The following VTI1A variants were observed in gnomAD, a reference collection of about 807,000 sequenced individuals.
The protein encoded by VTI1A is vesicle transport through interaction with t-SNAREs homolog 1A.
VTI1A carries 22 observed loss-of-function variants against 34.9 expected under a neutral mutation model. The ratio of observed to expected loss-of-function variants is 0.63; its 90% CI spans 0.45 to 0.90. The LOEUF (loss-of-function observed/expected upper bound fraction) is 0.90. VTI1A is among the 40% of genes least tolerant of loss of function. The pLI, the probability that VTI1A is intolerant of heterozygous loss-of-function variation, is 0.00. For synonymous variants in VTI1A, 87 were observed against 97.3 expected (o/e 0.89, Z 0.62); for missense variants, 268 against 275.6 (o/e 0.97, Z 0.20).
intron 3 of VTI1A, among the ~76,000 whole-genome samples, chr10:112,502,673 A>G (rs141693909): frequency 6.6e-6 from 1 of 152,308 alleles, no homozygotes; most frequent in East Asian, 1.9e-4. Context: ...ACTCGTGCTT[A>G]TGACCAGAAG....
At chr10:112,575,891 G>A (rs981051816) in intron 5 of VTI1A, among the ~76,000 whole-genome samples, 3 of 152,082 alleles carry the variant, frequency 2.0e-5, no homozygotes, top group African/African-American at 7.2e-5. Context: ...TCTTGTTGAA[G>A]AGAATAGCTT....
chr10:112,586,847 G>A (rs1390007088), intron 5 of VTI1A, among the ~76,000 whole-genome samples: 1 of 152,092 alleles, frequency 6.6e-6, no homozygotes, highest in Non-Finnish European at 1.5e-5. Context: ...TTAGTTTTAG[G>A]GTAACCACTG....
chr10:112,687,551 A>C lies in VTI1A; in HGVS notation c.560+18553A>C, dbSNP rs1848461393. On this transcript the variant is annotated intron_variant, in intron 7 of 7. Coordinates refer to ENST00000393077, the MANE Select transcript of VTI1A (RefSeq NM_145206.4). ...CCCGGCAACTTTTTTTTTAAGCAAC[A>C]ATTTTGCTTTAATAGGACTTGAAAA... is the stretch of plus-strand genomic sequence containing the variant. Among the ~76,000 whole-genome samples, 4 of 150,988 alleles carry C rather than the reference A, an allele frequency of 2.6e-5. No homozygotes were observed. The Admixed American group carries it at 2.7e-4, about 10-fold the overall frequency.
chr10:112,456,380 C>T (rs1847525253), intron 1 of VTI1A, among the ~76,000 whole-genome samples: 1 of 145,614 alleles, frequency 6.9e-6, no homozygotes, highest in Non-Finnish European at 1.5e-5. Flanking sequence ...CAAGATTGCA[C>T]CACTGCACTC....
At chr10:112,755,270 AAGAAAG>A (rs975033822) in intron 7 of VTI1A, among the ~76,000 whole-genome samples, 1 of 152,096 alleles carries the variant, frequency 6.6e-6, no homozygotes, top group African/African-American at 2.4e-5. Context: ...AAAAGAAAGA[AAGAAAG>A]AAAGAAAAGT....
At chr10:112,532,390 A>G (rs1035249160) in intron 4 of VTI1A, among the ~76,000 whole-genome samples, 3 of 152,234 alleles carry the variant, frequency 2.0e-5, no homozygotes, top group East Asian at 3.8e-4. Flanking sequence ...GTAGACCTGA[A>G]TTGCTGAGGA....
At position 112,588,329 on chromosome 10, in the gene VTI1A, T is replaced by TAA. The variant is rs1589941700; in HGVS notation, c.427+50001_427+50002dup. The stretch of plus-strand genomic sequence containing the variant: ...TTTTTTTTTCTCTTGAAACAATAAA[T>TAA]AAATAAAAACTTAAAATGCCTAATT... On this transcript the variant is annotated intron_variant, in intron 5 of 7. Transcript: ENST00000393077. Among the ~76,000 whole-genome samples the TAA allele has an allele frequency of 3.9e-5, 6 of 152,042 alleles. No homozygotes were observed. The East Asian group carries it at 1.2e-3, about 29-fold the overall frequency.
At chr10:112,673,785 A>C (rs1177922260) in intron 7 of VTI1A, among the ~76,000 whole-genome samples, 2 of 152,206 alleles carry the variant, frequency 1.3e-5, no homozygotes, top group African/African-American at 4.8e-5. Context: ...AACATCTGGA[A>C]AGCTTAAATG....
chr10:112,496,059 C>T (rs989588382), intron 3 of VTI1A, among the ~76,000 whole-genome samples: 1 of 151,932 alleles, frequency 6.6e-6, no homozygotes. Context: ...TCAGCAAATC[C>T]CTTTAAAGCC....
chr10:112,599,290 GGC>G (rs1844794027), intron 5 of VTI1A, among the ~76,000 whole-genome samples: 1 of 152,212 alleles, frequency 6.6e-6, no homozygotes, highest in South Asian at 2.1e-4. Context: ...GAGCATAGTA[GGC>G]AAGAAAACAC....
chr10:112,815,227 C>T (rs984313561), intron 7 of VTI1A, 63 bp from the exon 8 acceptor site: 7 of 1,360,642 alleles, frequency 5.1e-6, no homozygotes, highest in East Asian at 2.4e-5. Context: ...TGGCCTCGGA[C>T]GGCGTTTGTG....
At position 112,600,884 on chromosome 10, in the gene VTI1A, A is replaced by G. The variant is rs545213393; in HGVS notation, c.427+62554A>G. ...ATGCATTTGCAATATTCCATCTGCTATGGGCACTTCCTAGTGCTAAGGCTT... is the reference window on the plus strand; with the variant it reads ...ATGCATTTGCAATATTCCATCTGCTGTGGGCACTTCCTAGTGCTAAGGCTT... On this transcript the variant is annotated intron_variant, in intron 5 of 7. Transcript: ENST00000393077. Among the ~76,000 whole-genome samples, 4 of 152,370 alleles carry G rather than the reference A, an allele frequency of 2.6e-5. No homozygotes were observed. In the South Asian group the frequency reaches 8.3e-4, roughly 32 times the overall value.
At chr10:112,851,946 G>A in the VTI1A span, among the ~76,000 whole-genome samples, 1 of 152,090 alleles carries the variant, frequency 6.6e-6, no homozygotes, top group South Asian at 2.1e-4. Context: ...TAACTTAAGA[G>A]AATGTTGTGT....
intron 3 of VTI1A, among the ~76,000 whole-genome samples, chr10:112,479,790 G>A (rs573133919): frequency 3.3e-5 from 5 of 151,930 alleles, no homozygotes; most frequent in Non-Finnish European, 5.9e-5. Flanking sequence ...CTCTGTCTTC[G>A]ACCTCTCCCC....
chr10:112,558,385 T>C (rs536805429), intron 5 of VTI1A, among the ~76,000 whole-genome samples: 1 of 152,298 alleles, frequency 6.6e-6, no homozygotes, highest in Non-Finnish European at 1.5e-5. Flanking sequence ...ATTTTAGAAG[T>C]TACTTTTTAT....
chr10:112,637,506 A>C (rs1846401400), intron 5 of VTI1A, among the ~76,000 whole-genome samples: 1 of 152,200 alleles, frequency 6.6e-6, no homozygotes, highest in Admixed American at 6.5e-5. Flanking sequence ...AAACATACAA[A>C]AACTTAGCTG....
intron 7 of VTI1A, among the ~76,000 whole-genome samples, chr10:112,701,946 A>G (rs1251107103): frequency 6.6e-6 from 1 of 152,196 alleles, no homozygotes; most frequent in Non-Finnish European, 1.5e-5. Context: ...GAAGGGTGTC[A>G]TTCATAAACT....
At chr10:112,589,012 C>G (rs553015642) in intron 5 of VTI1A, among the ~76,000 whole-genome samples, 34 of 130,250 alleles carry the variant, frequency 2.6e-4, no homozygotes, top group African/African-American at 1.0e-3. Context: ...CACTTTGACT[C>G]CTTGTCTTTT....
At chr10:112,506,740 A>T (rs1431267508) in intron 3 of VTI1A, among the ~76,000 whole-genome samples, 1 of 152,118 alleles carries the variant, frequency 6.6e-6, no homozygotes, top group African/African-American at 2.4e-5. Context: ...ATTGAGTGTC[A>T]TTCCTCTTCA....
Sources: gnomAD v4.1 joint callset for allele counts (sites outside exome capture counted in the v4.1 genomes callset) on GRCh38, gnomAD v4.1.1 for gene constraint, MANE v1.5 for transcripts, NCBI Gene and HGNC (gene_info 2026-07-23, HGNC 2026-07-21) for gene names.